The following CHCHD6 variants were observed in gnomAD, a reference collection of about 807,000 sequenced individuals.
The protein encoded by CHCHD6 is coiled-coil-helix-coiled-coil-helix domain containing 6, also known as MICOS complex subunit MIC25.
In CHCHD6, 28 loss-of-function variants were observed where a neutral mutation model predicts 32.3. That is an observed-to-expected ratio of 0.87 (90% confidence interval 0.64 to 1.19). The LOEUF (loss-of-function observed/expected upper bound fraction) is 1.19, where lower values mean the gene tolerates loss of function less well. Among genes scored for constraint, CHCHD6 ranks in the 50% most tolerant of loss-of-function variants. The pLI, the probability that CHCHD6 is intolerant of heterozygous loss-of-function variation, is 0.00. For synonymous variants in CHCHD6, 122 were observed against 117.5 expected, an observed-to-expected ratio of 1.04 and a Z score of -0.25; for missense variants, 333 against 307.0, an observed-to-expected ratio of 1.08 and a Z score of -0.63.
intron 6 of CHCHD6, among the ~76,000 whole-genome samples, chr3:126,915,415 A>T (rs1175052079): frequency 2.0e-5 from 3 of 152,208 alleles, no homozygotes; most frequent in African/African-American, 7.2e-5. Context: ...TCAATAGTAC[A>T]GTTCCCTGGA....
chr3:126,852,954 C>G (rs1334291134), intron 5 of CHCHD6, among the ~76,000 whole-genome samples: 1 of 152,102 alleles, frequency 6.6e-6, no homozygotes, highest in Non-Finnish European at 1.5e-5. Flanking sequence ...AATTGTCTCC[C>G]CCTGCCCCAC....
intron 4 of CHCHD6, among the ~76,000 whole-genome samples, chr3:126,776,566 C>A (rs1429512288): frequency 1.3e-5 from 2 of 152,190 alleles, no homozygotes; most frequent in African/African-American, 4.8e-5. Context: ...CCATGTTTAT[C>A]TTAGGCATAG....
chr3:126,814,666 G>A (rs1276892125), intron 4 of CHCHD6, among the ~76,000 whole-genome samples: 1 of 152,294 alleles, frequency 6.6e-6, no homozygotes, highest in South Asian at 2.1e-4. Flanking sequence ...ACAGAAGCTC[G>A]GCACCCCCTC....
At chr3:126,803,685 G>A (rs556390611) in intron 4 of CHCHD6, among the ~76,000 whole-genome samples, 1 of 152,286 alleles carries the variant, frequency 6.6e-6, no homozygotes, top group South Asian at 2.1e-4. Flanking sequence ...GGATACCCAG[G>A]AATTGAACTT....
intron 7 of CHCHD6, among the ~76,000 whole-genome samples, chr3:126,958,527 C>T (rs751922263): frequency 6.6e-6 from 1 of 152,164 alleles, no homozygotes; most frequent in Non-Finnish European, 1.5e-5. Context: ...CTGAACTGAG[C>T]GGGGTCCTGC....
intron 4 of CHCHD6, among the ~76,000 whole-genome samples, chr3:126,756,854 A>C (rs1318051057): frequency 6.6e-6 from 1 of 152,174 alleles, no homozygotes; most frequent in African/African-American, 2.4e-5. Flanking sequence ...ACAAGTAGAT[A>C]ATAGGTCAGT....
intron 4 of CHCHD6, among the ~76,000 whole-genome samples, chr3:126,783,435 C>T (rs1057334580): frequency 3.3e-5 from 5 of 152,226 alleles, no homozygotes; most frequent in Middle Eastern, 3.4e-3. Context: ...ACACAGGGCT[C>T]GAAGTCCTAG....
At chr3:126,732,198 A>G (rs1935839191) in intron 3 of CHCHD6, among the ~76,000 whole-genome samples, 1 of 152,172 alleles carries the variant, frequency 6.6e-6, no homozygotes, top group South Asian at 2.1e-4. Flanking sequence ...AGATTTAGAA[A>G]ATATACAAAG....
intron 4 of CHCHD6, among the ~76,000 whole-genome samples, chr3:126,755,034 G>A (rs1020891196): frequency 2.6e-5 from 4 of 152,194 alleles, no homozygotes; most frequent in East Asian, 1.9e-4. Context: ...CAAGCTCCTC[G>A]AGTACCTGAA....
intron 4 of CHCHD6, among the ~76,000 whole-genome samples, chr3:126,804,204 A>C (rs991710688): frequency 2.0e-5 from 3 of 152,232 alleles, no homozygotes; most frequent in Non-Finnish European, 1.5e-5. Flanking sequence ...GGCAAGAAAT[A>C]ACTAAAATGA....
At chr3:126,789,605 T>C (rs998491340) in intron 4 of CHCHD6, among the ~76,000 whole-genome samples, 5 of 152,224 alleles carry the variant, frequency 3.3e-5, no homozygotes, top group Non-Finnish European at 7.3e-5. Context: ...TTGATCTTTG[T>C]TGGTTTAAAG....
At chr3:126,790,488 A>T (rs1036811972) in intron 4 of CHCHD6, among the ~76,000 whole-genome samples, 2 of 152,166 alleles carry the variant, frequency 1.3e-5, no homozygotes, top group African/African-American at 4.8e-5. Flanking sequence ...GTCCTTTCAC[A>T]TAGTCCCATA....
At chr3:126,896,505 G>T (rs994646388) in intron 5 of CHCHD6, among the ~76,000 whole-genome samples, 33 of 152,090 alleles carry the variant, frequency 2.2e-4, no homozygotes, top group Admixed American at 1.7e-3. Flanking sequence ...GCTTTTTCTG[G>T]TCTCTCAGAG....
chr3:126,880,010 A>C (rs1007726737), intron 5 of CHCHD6, among the ~76,000 whole-genome samples: 3 of 152,194 alleles, frequency 2.0e-5, no homozygotes, highest in African/African-American at 7.2e-5. Flanking sequence ...TCTCCTCCTT[A>C]GTGGCAGAAA....
chr3:126,847,806 G>A (rs72980837), intron 4 of CHCHD6, among the ~76,000 whole-genome samples: 113 of 146,598 alleles, frequency 7.7e-4, no homozygotes, highest in African/African-American at 2.7e-3. Context: ...CCTTCCCCTC[G>A]CCCACCTCCC....
intron 5 of CHCHD6, among the ~76,000 whole-genome samples, chr3:126,910,273 G>GAAAAAAAAAAAAAAAC (rs547565601): frequency 6.3e-5 from 7 of 111,452 alleles, no homozygotes; most frequent in South Asian, 3.2e-4. Context: ...CCTGCCTCAG[G>GAAAAAAAAAAAAAAAC]AAAAAAAAAA....
intron 6 of CHCHD6, among the ~76,000 whole-genome samples, chr3:126,946,183 G>A (rs1260464105): frequency 6.6e-6 from 1 of 152,098 alleles, no homozygotes; most frequent in Admixed American, 6.5e-5. Context: ...AGCCACAGGC[G>A]GGCTGGAAGT....
intron 5 of CHCHD6, among the ~76,000 whole-genome samples, chr3:126,901,013 C>A (rs58371889): frequency 0.031 from 4,723 of 152,238 alleles, 165 homozygotes; most frequent in East Asian, 0.16. Context: ...AAACACCCCC[C>A]CCAGGCCCTA....
At chr3:126,761,144 C>T (rs1256648156) in intron 4 of CHCHD6, among the ~76,000 whole-genome samples, 1 of 152,200 alleles carries the variant, frequency 6.6e-6, no homozygotes, top group African/African-American at 2.4e-5. Context: ...TATATATACG[C>T]ACACACCCCC....
Sources: allele counts gnomAD v4.1 joint callset (sites outside exome capture counted in the v4.1 genomes callset), GRCh38; gene constraint gnomAD v4.1.1; transcripts MANE v1.5; gene names NCBI Gene and HGNC (gene_info 2026-07-23, HGNC 2026-07-21).